NHSL2: variants seen among roughly 807,000 people sequenced by gnomAD.
The protein encoded by NHSL2 is NHS like 2.
In NHSL2, 27 loss-of-function variants were observed where a neutral mutation model predicts 53.4. That is an observed-to-expected ratio of 0.51 (90% CI 0.37 to 0.70). The LOEUF (loss-of-function observed/expected upper bound fraction) is 0.70, where lower values mean the gene tolerates loss of function less well. Among genes scored for constraint, NHSL2 ranks in the 30% least tolerant of loss-of-function variants. The probability of loss-of-function intolerance (pLI) is 0.00; values close to 1 mark genes in which losing one functional copy is unlikely to be tolerated. For synonymous variants in NHSL2, 408 were observed against 404.1 expected, an observed-to-expected ratio of 1.01 and a Z score of -0.12; for missense variants, 892 against 980.1, an observed-to-expected ratio of 0.91 and a Z score of 1.20.
At chrX:72,041,590 G>A (rs2042274607) in intron 1 of NHSL2, among the ~76,000 whole-genome samples, 1 of 112,257 alleles carries the variant, frequency 8.9e-6, no homozygotes, top group African/African-American at 3.2e-5. Context: ...AGTGGAGGGG[G>A]CTGGAAAGAA....
intron 1 of NHSL2, among the ~76,000 whole-genome samples, chrX:72,061,370 T>C (rs1039575510): frequency 2.7e-5 from 3 of 112,490 alleles, no homozygotes; most frequent in Non-Finnish European, 5.6e-5. Flanking sequence ...GTGTGATCTT[T>C]GGCAAGTTAC....
intron 1 of NHSL2, among the ~76,000 whole-genome samples, chrX:71,966,627 GC>G (rs77387968): frequency 0.12 from 12,976 of 111,405 alleles, 965 homozygotes; most frequent in African/African-American, 0.25. Flanking sequence ...AGCCTTTCAT[GC>G]CTGGGGTAAA....
At chrX:71,920,131 C>T (rs1472035683) in intron 1 of NHSL2, among the ~76,000 whole-genome samples, 4 of 112,402 alleles carry the variant, frequency 3.6e-5, no homozygotes, top group Non-Finnish European at 7.5e-5. Context: ...AACCTGAGCT[C>T]ACAGCCAGGC....
In NHSL2 at chrX:72,149,699, A is replaced by G. The variant is rs2042496428; in HGVS notation, c.*6125A>G. ...TATATTTACCCTGGCTAGTGGTTAA[A>G]GTTTTATTCTTTTTATTATATTTCA... On this transcript the variant is annotated 3_prime_UTR_variant, in exon 8 of 8. Transcript: ENST00000633930. The G allele has an allele frequency of 8.9e-6, 1 of 112,045 alleles. No individual in the cohort carries two copies. Among genetic ancestry groups the G allele is most frequent in the African/African-American group, 3.2e-5 (1 of 30,862 alleles). The allele number at this position is 112,045 out of a possible 1,213,427, so 9.2% of individuals were successfully genotyped here.
At position 72,027,200 on chromosome X, in the gene NHSL2, C is replaced by G. The variant is rs144115106; in HGVS notation, c.281-104879C>G. Reference sequence around the variant, plus strand: ...TACAGCCCTGTGGCTCTGACAGGGTCTCTCATGATATCCAGCAGAGATCTT... The same window carrying G: ...TACAGCCCTGTGGCTCTGACAGGGTGTCTCATGATATCCAGCAGAGATCTT... On this transcript the variant is annotated intron_variant, in intron 1 of 7. Transcript: ENST00000633930. 2.5e-3 allele frequency among the ~76,000 whole-genome samples: 284 copies of G among 112,354 alleles called. 2 individuals carry two copies. Among genetic ancestry groups the G allele is most frequent in the African/African-American group, 8.8e-3 (272 of 30,944 alleles).
At chrX:71,970,238 A>T (rs1049500668) in intron 1 of NHSL2, among the ~76,000 whole-genome samples, 4 of 111,699 alleles carry the variant, frequency 3.6e-5, no homozygotes, top group Non-Finnish European at 7.5e-5. Flanking sequence ...TGGCTTTGGT[A>T]TCAGAATAAT....
In NHSL2 at chrX:72,107,992, G is replaced by A. The variant is rs763861012; in HGVS notation, c.281-24087G>A. Among the ~76,000 whole-genome samples, 24 of 112,031 alleles carry A rather than the reference G, an allele frequency of 2.1e-4. No individual in the cohort carries two copies. The Middle Eastern group carries it at 0.018, about 85-fold the overall frequency. On this transcript the variant is annotated intron_variant, in intron 1 of 7. Coordinates refer to ENST00000633930, the MANE Select transcript of NHSL2 (RefSeq NM_001013627.3). ...CTCTTGGCCCCGTGGAGGCTGGATC[G>A]TAAGAGAGCAAGATCTGAGGGAGGA...
chrX:72,084,470 C>T (rs1376947328), intron 1 of NHSL2, among the ~76,000 whole-genome samples: 2 of 112,331 alleles, frequency 1.8e-5, no homozygotes, highest in Non-Finnish European at 3.8e-5. Context: ...CTAATGACAG[C>T]CTCAGCTGAC....
At chrX:71,964,014 T>C (rs1362221964) in intron 1 of NHSL2, among the ~76,000 whole-genome samples, 25 of 11,915 alleles carry the variant, frequency 2.1e-3, no homozygotes, top group South Asian at 3.5e-3. Context: ...TATATATGTA[T>C]ATATATATAT....
intron 1 of NHSL2, among the ~76,000 whole-genome samples, chrX:71,990,670 C>T (rs1189825467): frequency 1.8e-5 from 2 of 111,749 alleles, no homozygotes; most frequent in East Asian, 5.6e-4. Context: ...CCAGTTACAC[C>T]TCCCACAACA....
chrX:72,077,371 G>T (rs2041753208), intron 1 of NHSL2, among the ~76,000 whole-genome samples: 1 of 110,675 alleles, frequency 9.0e-6, no homozygotes, highest in Non-Finnish European at 1.9e-5. Flanking sequence ...TCTGCCCAGG[G>T]TACAGAGCGA....
intron 1 of NHSL2, among the ~76,000 whole-genome samples, chrX:71,996,159 C>CT (rs753304220): frequency 2.6e-5 from 3 of 113,351 alleles, no homozygotes; most frequent in South Asian, 7.2e-4. Flanking sequence ...TTATGAGCCT[C>CT]TGGGGGCAAG....
intron 1 of NHSL2, among the ~76,000 whole-genome samples, chrX:72,065,802 C>A (rs1298783450): frequency 8.9e-6 from 1 of 111,838 alleles, no homozygotes; most frequent in Middle Eastern, 4.2e-3. Flanking sequence ...CTTCTCTGAC[C>A]ACAAAGCTTT....
At chrX:71,942,972 C>CTCTCTGTGTGTGTGTG (rs1220648470) in intron 1 of NHSL2, among the ~76,000 whole-genome samples, 2 of 74,025 alleles carry the variant, frequency 2.7e-5, no homozygotes, top group African/African-American at 1.1e-4. Flanking sequence ...CTCTCTCTCT[C>CTCTCTGTGTGTGTGTG]TGTGTGTGTG....
At chrX:72,029,676 T>C (rs1441292728) in intron 1 of NHSL2, among the ~76,000 whole-genome samples, 1 of 112,914 alleles carries the variant, frequency 8.9e-6, no homozygotes, top group East Asian at 2.8e-4. Flanking sequence ...CTGCAAGCCC[T>C]CAGAGCTCCT....
intron 1 of NHSL2, among the ~76,000 whole-genome samples, chrX:71,961,428 C>CCCTTCCTCCCTT (rs1742286452): frequency 1.0e-5 from 1 of 95,714 alleles, no homozygotes; most frequent in Non-Finnish European, 2.1e-5. Context: ...CTCTCTCCCT[C>CCCTTCCTCCCTT]CCTTCCTCCC....
chrX:72,084,721 A>G (rs2041821515), intron 1 of NHSL2, among the ~76,000 whole-genome samples: 1 of 112,363 alleles, frequency 8.9e-6, no homozygotes, highest in African/African-American at 3.2e-5. Flanking sequence ...AGTGTCCACC[A>G]CACGGGTCTG....
chrX:72,075,403 A>G (rs2041732592), intron 1 of NHSL2, among the ~76,000 whole-genome samples: 1 of 112,674 alleles, frequency 8.9e-6, no homozygotes, highest in Non-Finnish European at 1.9e-5. Flanking sequence ...CAACAAAGCC[A>G]GCCTGGGCCT....
At chrX:72,113,309 G>A (rs891658854) in intron 1 of NHSL2, among the ~76,000 whole-genome samples, 18 of 111,285 alleles carry the variant, frequency 1.6e-4, no homozygotes, top group Non-Finnish European at 2.8e-4. Context: ...GGCAAGAGGA[G>A]GGGTGCCACC....
Sources: allele counts gnomAD v4.1 joint callset (sites outside exome capture counted in the v4.1 genomes callset), GRCh38; gene constraint gnomAD v4.1.1; transcripts MANE v1.5; gene names NCBI Gene and HGNC (gene_info 2026-07-23, HGNC 2026-07-21).